The following WRN variants were observed in gnomAD, a reference collection of about 807,000 sequenced individuals.
WRN encodes the protein WRN RecQ like helicase.
Under a neutral mutation model 180.7 loss-of-function variants are expected in WRN, and 149 were observed. That is an observed-to-expected ratio of 0.82 (90% CI 0.72 to 0.94). The LOEUF is 0.94. Among genes scored for constraint, WRN ranks in the 40% least tolerant of loss-of-function variants. The pLI is 0.00. For missense variants in WRN, 1,661 were observed against 1,700.1 expected, an observed-to-expected ratio of 0.98 and a Z score of 0.40; for synonymous variants, 548 against 568.9, an observed-to-expected ratio of 0.96 and a Z score of 0.52.
At chr8:31,096,725 C>A in intron 16 of WRN, 43 bp from the exon 17 acceptor site, 1 of 1,373,166 alleles carries the variant, frequency 7.3e-7, no homozygotes, top group South Asian at 1.2e-5. Flanking sequence ...TGTTTCCCTT[C>A]CTGTTTTTTT....
chr8:31,145,013 G>A (rs548366970), intron 28 of WRN, among the ~76,000 whole-genome samples: 47 of 152,316 alleles, frequency 3.1e-4, no homozygotes, highest in South Asian at 1.5e-3. Flanking sequence ...ATAAAAGTTT[G>A]AGGCCAGCAG....
chr8:31,147,063 C>T lies in WRN; in HGVS notation c.3394C>T (p.Gln1132Ter), dbSNP rs1585521874. The change falls in exon 29 of 35, where the codon CAG (glutamine) becomes TAG (stop). Residue 1132 changes from glutamine to a stop codon, truncating the protein, a stop_gained. Transcript: ENST00000298139. LOFTEE classifies it high-confidence loss of function. ...SNISKKSIMV[Q>*]SPEKAYSSSQ... ...TTTTAAATATTTTAGTATCATGGTA[C>T]AGTCACCAGAAAAAGCTTACAGTTC... 1 of 1,613,064 alleles carries T rather than the reference C, an allele frequency of 6.2e-7. No individual in the cohort carries two copies. Among genetic ancestry groups the T allele is most frequent in the Non-Finnish European group, 8.5e-7 (1 of 1,179,340 alleles).
At position 31,064,325 on chromosome 8, in the gene WRN, C is replaced by T; in HGVS notation, c.246C>T (p.Asp82=). 1 of 1,614,082 alleles carries T rather than the reference C, an allele frequency of 6.2e-7. No homozygotes were observed. Among genetic ancestry groups the T allele is most frequent in the South Asian group, 1.1e-5 (1 of 91,086 alleles). The part of the protein sequence containing the change: ...SLSDGDVVGF[D]MEWPPLYNRG... The stretch of plus-strand genomic sequence containing the variant: ...CAGATGGGGATGTGGTGGGATTTGA[C>T]ATGGAGTGGCCACCATTATACAATA... Residue 82 remains aspartate (D), a synonymous_variant, in exon 4 of 35, where the codon GAC becomes GAT. Coordinates refer to ENST00000298139, the MANE Select transcript of WRN (RefSeq NM_000553.6).
chr8:31,056,441 T>TA (rs1812276469), intron 1 of WRN, among the ~76,000 whole-genome samples: 1 of 152,226 alleles, frequency 6.6e-6, no homozygotes, highest in Non-Finnish European at 1.5e-5. Context: ...TTACAATTAA[T>TA]AAAGCATATG....
intron 8 of WRN, among the ~76,000 whole-genome samples, chr8:31,076,779 G>C (rs913336037): frequency 2.0e-5 from 3 of 152,050 alleles, no homozygotes; most frequent in African/African-American, 7.2e-5. Flanking sequence ...TTAATTAATA[G>C]ATTATTAGAA....
intron 1 of WRN, among the ~76,000 whole-genome samples, chr8:31,050,434 C>T (rs79506782): frequency 0.028 from 4,322 of 151,898 alleles, 96 homozygotes; most frequent in Non-Finnish European, 0.044. Context: ...TACTGATAAT[C>T]GCTGGGTGAG....
At position 31,067,171 on chromosome 8, in the gene WRN, A is replaced by G. The variant is rs1455664527; in HGVS notation, c.643A>G (p.Thr215Ala). ...LTEDQKLYAA[T>A]DAYAGFIIYR... ...TGAGGACCAGAAACTGTATGCAGCC[A>G]CTGATGCTTATGTACGTGCTTAAAG... is the stretch of plus-strand genomic sequence containing the variant. The change falls in exon 6 of 35, where the codon ACT becomes GCT. Residue 215 changes from threonine (T) to alanine (A), a missense_variant. Thr to Ala is a moderately conservative substitution (Grantham distance 58, BLOSUM62 0). Transcript: ENST00000298139. 1.9e-6 allele frequency: 3 copies of G among 1,613,738 alleles called. No individual in the cohort carries two copies. The South Asian group carries it at 3.3e-5, about 18-fold the overall frequency.
At chr8:31,150,520 A>G in intron 31 of WRN, 65 bp downstream of exon 31, 2 of 1,374,478 alleles carry the variant, frequency 1.5e-6, no homozygotes. Context: ...TTTCAAAAGT[A>G]CCCTCCAGAA....
chr8:31,094,247 T>C (rs1362367597), intron 16 of WRN, among the ~76,000 whole-genome samples: 1 of 152,162 alleles, frequency 6.6e-6, no homozygotes, highest in Non-Finnish European at 1.5e-5. Context: ...ATAGTAATAA[T>C]ATATAACCAT....
chr8:31,142,146 A>G (rs951260792), intron 26 of WRN, among the ~76,000 whole-genome samples: 1 of 152,048 alleles, frequency 6.6e-6, no homozygotes, highest in African/African-American at 2.4e-5. Flanking sequence ...AGGGTCTTCT[A>G]GTGCTTCCTA....
intron 1 of WRN, among the ~76,000 whole-genome samples, chr8:31,055,071 A>G (rs184194312): frequency 2.1e-4 from 32 of 152,336 alleles, no homozygotes; most frequent in African/African-American, 6.5e-4. Flanking sequence ...TTATGGCTGC[A>G]TAGTATTCCA....
intron 1 of WRN, among the ~76,000 whole-genome samples, chr8:31,046,182 A>C (rs1480345688): frequency 6.6e-6 from 1 of 152,196 alleles, no homozygotes; most frequent in South Asian, 2.1e-4. Context: ...TAGGATAAAA[A>C]TAATTTGAGT....
At chr8:31,042,237 G>A (rs952662529) in intron 1 of WRN, among the ~76,000 whole-genome samples, 5 of 152,148 alleles carry the variant, frequency 3.3e-5, no homozygotes, top group Admixed American at 6.5e-5. Context: ...GCAGGATGCA[G>A]ACAAGATCAC....
intron 9 of WRN, among the ~76,000 whole-genome samples, chr8:31,083,316 A>G (rs1813393569): frequency 6.6e-6 from 1 of 152,220 alleles, no homozygotes; most frequent in African/African-American, 2.4e-5. Flanking sequence ...TCAAGGAACA[A>G]CTATTGTTCT....
At chr8:31,147,537 A>T in intron 30 of WRN, 61 bp downstream of exon 30, 1 of 1,479,990 alleles carries the variant, frequency 6.8e-7, no homozygotes, top group Non-Finnish European at 9.4e-7. Flanking sequence ...TTTGGAAAAT[A>T]TATCTAAGTT....
At chr8:31,171,174 C>G (rs982764943) in intron 34 of WRN, 4 of 152,204 alleles carry the variant, frequency 2.6e-5, no homozygotes, top group African/African-American at 9.6e-5. Flanking sequence ...CTGTGCTACT[C>G]CATGGTATTA....
chr8:31,138,259 C>CT (rs1802475929), intron 24 of WRN, among the ~76,000 whole-genome samples: 1 of 152,072 alleles, frequency 6.6e-6, no homozygotes, highest in South Asian at 2.1e-4. Context: ...AATCAAAGAG[C>CT]TCCAGCATTC....
rs1009928118 is a variant in WRN, at chr8:31,138,878, C to G, written c.2968-2552C>G. Among the ~76,000 whole-genome samples, 31 of 152,150 alleles carry G rather than the reference C, an allele frequency of 2.0e-4. 2 individuals are homozygous for G. On this transcript the variant is annotated intron_variant, in intron 24 of 34. Transcript: ENST00000298139. The stretch of plus-strand genomic sequence containing the variant: ...TGTTTGTCTCTGGTGGGAACTTACC[C>G]TGCTTTACCTAATTTCATCCTAGCT...
At chr8:31,035,192 G>T (rs1038562777) in intron 1 of WRN, among the ~76,000 whole-genome samples, 19 of 152,108 alleles carry the variant, frequency 1.2e-4, no homozygotes, top group Admixed American at 9.8e-4. Context: ...TTACATTTTA[G>T]TGGAAAGAGA....
Sources: allele counts gnomAD v4.1 joint callset (sites outside exome capture counted in the v4.1 genomes callset), GRCh38; gene constraint gnomAD v4.1.1; transcripts MANE v1.5; gene names NCBI Gene and HGNC (gene_info 2026-07-23, HGNC 2026-07-21).